TPTE: variants seen among roughly 807,000 people sequenced by gnomAD.
The protein encoded by TPTE is putative tyrosine-protein phosphatase TPTE.
In TPTE, 59 loss-of-function variants were observed where a neutral mutation model predicts 84.1. That is an observed-to-expected ratio of 0.70 (90% CI 0.57 to 0.87). The LOEUF (loss-of-function observed/expected upper bound fraction) is 0.87, where lower values mean the gene tolerates loss of function less well. Ranked by LOEUF, TPTE falls within the 40% of genes least tolerant of loss-of-function variation. TPTE has a pLI of 0.00. For missense variants in TPTE, 382 were observed against 659.6 expected, an observed-to-expected ratio of 0.58 and a Z score of 4.61; for synonymous variants, 130 against 223.5, an observed-to-expected ratio of 0.58 and a Z score of 3.73.
At chr21:10,565,709 T>A (rs574597468) in intron 10 of TPTE, among the ~76,000 whole-genome samples, 1 of 152,396 alleles carries the variant, frequency 6.6e-6, no homozygotes, top group Non-Finnish European at 1.5e-5. Flanking sequence ...CCACACACAC[T>A]TACAGTGAAC....
At chr21:10,554,661 G>A (rs2074643813) in intron 8 of TPTE, among the ~76,000 whole-genome samples, 1 of 152,296 alleles carries the variant, frequency 6.6e-6, no homozygotes, top group Non-Finnish European at 1.5e-5. Context: ...GTAATCAAAT[G>A]TATCTGTACT....
intron 17 of TPTE, among the ~76,000 whole-genome samples, chr21:10,587,431 C>T (rs1352467815): frequency 4.6e-5 from 7 of 152,296 alleles, no homozygotes; most frequent in Admixed American, 6.5e-5. Context: ...CATGAGCACC[C>T]ATTGTTTAGC....
chr21:10,544,130 T>C (rs4041806), intron 7 of TPTE, among the ~76,000 whole-genome samples: 2 of 152,306 alleles, frequency 1.3e-5, no homozygotes, highest in South Asian at 2.1e-4. Flanking sequence ...GTAAGTAATA[T>C]GGAAAACCTG....
At chr21:10,532,820 A>G (rs2074201892) in intron 3 of TPTE, among the ~76,000 whole-genome samples, 1 of 152,302 alleles carries the variant, frequency 6.6e-6, no homozygotes, top group Admixed American at 6.5e-5. Flanking sequence ...ATATATTCAG[A>G]GAATAGCAAT....
chr21:10,548,217 A>G (rs1398805321), intron 7 of TPTE, among the ~76,000 whole-genome samples: 2 of 152,304 alleles, frequency 1.3e-5, no homozygotes, highest in East Asian at 1.9e-4. Context: ...ACTCAGGCCA[A>G]CTAAGCAGCC....
intron 19 of TPTE, among the ~76,000 whole-genome samples, chr21:10,595,039 T>C (rs2075555374): frequency 6.6e-6 from 1 of 152,308 alleles, no homozygotes; most frequent in South Asian, 2.1e-4. Flanking sequence ...TTTTGTTTTG[T>C]TTTGTTTTGT....
chr21:10,551,606 A>T (rs2074575727), intron 7 of TPTE, among the ~76,000 whole-genome samples: 1 of 152,302 alleles, frequency 6.6e-6, no homozygotes, highest in Non-Finnish European at 1.5e-5. Flanking sequence ...AACACATTTG[A>T]GGCAAAAATT....
chr21:10,560,400 C>T (rs996966420), intron 9 of TPTE, among the ~76,000 whole-genome samples: 18 of 152,308 alleles, frequency 1.2e-4, no homozygotes, highest in Non-Finnish European at 1.9e-4. Flanking sequence ...GACTAATTCA[C>T]CTTTATAGAC....
intron 8 of TPTE, among the ~76,000 whole-genome samples, chr21:10,554,243 T>C (rs11184132): frequency 0.014 from 2,187 of 151,530 alleles, no homozygotes; most frequent in Non-Finnish European, 0.02. Context: ...TAGTCAGATA[T>C]TGCTGAACAA....
At chr21:10,600,306 A>G (rs2075665516) in intron 21 of TPTE, among the ~76,000 whole-genome samples, 1 of 152,298 alleles carries the variant, frequency 6.6e-6, no homozygotes, top group African/African-American at 2.4e-5. Context: ...CACCTGGCTA[A>G]TTTTGTATTA....
chr21:10,596,737 A>G (rs1403450748), intron 20 of TPTE, among the ~76,000 whole-genome samples: 48 of 152,402 alleles, frequency 3.1e-4, no homozygotes, highest in African/African-American at 1.1e-3. Flanking sequence ...CAGCTTGTGG[A>G]CCTGAGATGG....
intron 8 of TPTE, among the ~76,000 whole-genome samples, chr21:10,553,719 A>T (rs1053888071): frequency 4.6e-5 from 7 of 152,308 alleles, no homozygotes; most frequent in Non-Finnish European, 1.0e-4. Context: ...ATGATATTGG[A>T]TTTATAGTAA....
chr21:10,534,628 G>A (rs1321211318), intron 3 of TPTE, among the ~76,000 whole-genome samples: 2 of 152,310 alleles, frequency 1.3e-5, no homozygotes, highest in East Asian at 1.9e-4. Flanking sequence ...CAGTGAAAGT[G>A]AAATGATATC....
intron 17 of TPTE, among the ~76,000 whole-genome samples, chr21:10,580,906 T>C: frequency 6.6e-6 from 1 of 152,312 alleles, no homozygotes; most frequent in Non-Finnish European, 1.5e-5. Flanking sequence ...TAAGTTTAGT[T>C]AGATTTTCTC....
chr21:10,560,856 CAG>C (rs1407852860), intron 9 of TPTE, among the ~76,000 whole-genome samples, 172 bp from the exon 10 acceptor site: 4 of 152,302 alleles, frequency 2.6e-5, no homozygotes, highest in South Asian at 2.1e-4. Flanking sequence ...TGGGTGAAAA[CAG>C]TGATTTTTCT....
At chr21:10,559,624 A>C in intron 9 of TPTE, 80 bp downstream of exon 9, 1 of 1,606,982 alleles carries the variant, frequency 6.2e-7, no homozygotes, top group Non-Finnish European at 8.5e-7. Context: ...CTGTAATCCC[A>C]GCACCCTGGG....
intron 20 of TPTE, among the ~76,000 whole-genome samples, chr21:10,597,407 T>C (rs2075608230): frequency 6.6e-6 from 1 of 151,624 alleles, no homozygotes; most frequent in Non-Finnish European, 1.5e-5. Flanking sequence ...TGAATTTTCT[T>C]TTTTCTTTTT....
At chr21:10,527,165 A>G (rs2074095520) in intron 2 of TPTE, among the ~76,000 whole-genome samples, 190 bp from the exon 3 acceptor site, 1 of 152,148 alleles carries the variant, frequency 6.6e-6, no homozygotes, top group Admixed American at 6.5e-5. Context: ...TCTCACACAC[A>G]CACACAGACA....
At position 10,538,743 on chromosome 21, in the gene TPTE, T is replaced by C. The variant is rs569598110; in HGVS notation, c.11+9T>C. The stretch of plus-strand genomic sequence containing the variant: ...GCACGTATGAATGAAAGGTGAGTTA[T>C]GCGTACGTGTGTCTTTATTTATCGA... On this transcript the variant is annotated intron_variant, in intron 4 of 23. Transcript: ENST00000618007. The C allele has an allele frequency of 4.3e-6, 7 of 1,614,058 alleles. No homozygotes were observed. The East Asian group carries it at 8.9e-5, about 21-fold the overall frequency.
Sources: gnomAD v4.1 joint callset for allele counts (sites outside exome capture counted in the v4.1 genomes callset) on GRCh38, gnomAD v4.1.1 for gene constraint, MANE v1.5 for transcripts, NCBI Gene and HGNC (gene_info 2026-07-23, HGNC 2026-07-21) for gene names.